Variants in RANBP2 observed in about 807,000 individuals in gnomAD.
RANBP2 encodes E3 SUMO-protein ligase RanBP2.
RANBP2 carries 57 observed loss-of-function variants against 303.6 expected under a neutral mutation model. The observed-to-expected ratio is 0.19, with a 90% CI of 0.15 to 0.23. The LOEUF is 0.23. Ranked by LOEUF, RANBP2 falls within the 10% of genes least tolerant of loss-of-function variation. The probability of loss-of-function intolerance (pLI) is 1.00; values close to 1 mark genes in which losing one functional copy is unlikely to be tolerated. For synonymous variants in RANBP2, 1,167 were observed against 1,301.5 expected (o/e 0.90, Z 2.23); for missense variants, 3,138 against 3,780.8 (o/e 0.83, Z 4.46).
At chr2:109,608,357 T>G in the RANBP2 span, among the ~76,000 whole-genome samples, 1 of 152,200 alleles carries the variant, frequency 6.6e-6, no homozygotes, top group East Asian at 1.9e-4. Context: ...TCTTTCTATG[T>G]AACACGCACT....
chr2:108,722,773 C>G (rs1694370884), intron 1 of RANBP2, among the ~76,000 whole-genome samples: 1 of 151,368 alleles, frequency 6.6e-6, no homozygotes, highest in African/African-American at 2.4e-5. Flanking sequence ...CGCCTGTAGT[C>G]CCACCTACTC....
At chr2:109,485,761 A>G in the RANBP2 span, among the ~76,000 whole-genome samples, 1 of 152,236 alleles carries the variant, frequency 6.6e-6, no homozygotes, top group African/African-American at 2.4e-5. Context: ...CTTTTTCTGG[A>G]TATAACTCAT....
the RANBP2 span, chr2:109,552,595 G>A: frequency 6.4e-6 from 1 of 156,904 alleles, no homozygotes. Context: ...ACACTGTGTT[G>A]CCACTGTGGC....
the RANBP2 span, among the ~76,000 whole-genome samples, chr2:109,260,836 C>G: frequency 6.6e-6 from 1 of 152,144 alleles, no homozygotes; most frequent in African/African-American, 2.4e-5. Context: ...CTTCTTCCTC[C>G]CCTACAGAGA....
chr2:109,615,720 G>A, the RANBP2 span: 1 of 1,613,702 alleles, frequency 6.2e-7, no homozygotes, highest in Admixed American at 1.7e-5. Context: ...TAGCGGCGGC[G>A]GGCGCTGGAG....
At chr2:109,152,430 A>G in the RANBP2 span, among the ~76,000 whole-genome samples, 1 of 152,236 alleles carries the variant, frequency 6.6e-6, no homozygotes, top group Non-Finnish European at 1.5e-5. Context: ...TCCGATCTCA[A>G]GTTGAGAACG....
At chr2:109,148,408 G>A in the RANBP2 span, among the ~76,000 whole-genome samples, 4 of 152,306 alleles carry the variant, frequency 2.6e-5, no homozygotes, top group African/African-American at 9.6e-5. Flanking sequence ...GCTTCTTAAA[G>A]GCGTTCTTTT....
chr2:109,062,738 A>C, the RANBP2 span, among the ~76,000 whole-genome samples: 8 of 151,726 alleles, frequency 5.3e-5, no homozygotes, highest in Admixed American at 2.6e-4. Context: ...ACAGTGCAAG[A>C]CTGCTCTGGA....
chr2:109,259,811 G>A, the RANBP2 span, among the ~76,000 whole-genome samples: 5 of 152,276 alleles, frequency 3.3e-5, no homozygotes, highest in South Asian at 4.1e-4. Context: ...TCTCTGGGAG[G>A]TCTCTGTTTG....
chr2:108,876,240 G>A, the RANBP2 span: 1 of 1,609,678 alleles, frequency 6.2e-7, no homozygotes, highest in Admixed American at 1.7e-5. Context: ...CTGGTCTCCA[G>A]TGCAAGCCCT....
the RANBP2 span, among the ~76,000 whole-genome samples, chr2:108,906,707 C>T: frequency 2.6e-5 from 4 of 152,258 alleles, no homozygotes; most frequent in Non-Finnish European, 5.9e-5. Context: ...GCAGCAGAGC[C>T]GTGCGGGGCT....
the RANBP2 span, among the ~76,000 whole-genome samples, chr2:109,731,538 G>C: frequency 6.6e-6 from 1 of 152,090 alleles, no homozygotes; most frequent in African/African-American, 2.4e-5. Context: ...GGGACTACAG[G>C]TGTGCACCAC....
chr2:108,780,023 A>G lies in RANBP2; in HGVS notation c.8600-1246A>G, dbSNP rs564560261. 3.4e-3 allele frequency among the ~76,000 whole-genome samples: 521 copies of G among 152,284 alleles called. 1 individual carries two copies. The highest frequency in any genetic ancestry group is 6.1e-3 in the Non-Finnish European group (417 of 68,020). ...GGTGGGTACTTGAAATTTTAGAAGT[A>G]GGTAAAAAGAACCTACTTCTTTACT... On this transcript the variant is annotated intron_variant, in intron 25 of 28. Coordinates refer to ENST00000283195, the MANE Select transcript of RANBP2 (RefSeq NM_006267.5).
At chr2:109,048,654 C>CA in the RANBP2 span, among the ~76,000 whole-genome samples, 1 of 151,922 alleles carries the variant, frequency 6.6e-6, no homozygotes, top group African/African-American at 2.4e-5. Context: ...TAAAATCAAT[C>CA]TTTTTTTGGA....
At chr2:109,445,537 G>T in the RANBP2 span, among the ~76,000 whole-genome samples, 3 of 152,206 alleles carry the variant, frequency 2.0e-5, no homozygotes, top group Non-Finnish European at 2.9e-5. Flanking sequence ...AATGGGAAAA[G>T]GAGGTACTAG....
In RANBP2 at chr2:108,766,285, C is replaced by T; in HGVS notation, c.5746C>T (p.Leu1916Phe). ...GNQEKKSEKP[L>F]ENGTGFQAQD... is the part of the protein sequence containing the mutation. ...TCAAGAAAAGAAAAGTGAAAAGCCT[C>T]TTGAAAATGGTACTGGCTTCCAGGC... Residue 1916 changes from leucine (L) to phenylalanine (F), a missense_variant, in exon 20 of 29, where the codon CTT (leucine) becomes TTT (phenylalanine). Coordinates refer to ENST00000283195, the MANE Select transcript of RANBP2 (RefSeq NM_006267.5). 1 of 1,612,132 alleles carries T rather than the reference C, an allele frequency of 6.2e-7. No individual in the cohort carries two copies. The highest frequency in any genetic ancestry group is 8.5e-7 in the Non-Finnish European group (1 of 1,179,984).
the RANBP2 span, among the ~76,000 whole-genome samples, chr2:109,224,863 A>C: frequency 6.6e-6 from 1 of 151,984 alleles, no homozygotes; most frequent in African/African-American, 2.4e-5. Flanking sequence ...TCTCAAAAAA[A>C]TTTTTTTTCA....
chr2:109,497,411 C>G, the RANBP2 span, among the ~76,000 whole-genome samples: 1 of 152,196 alleles, frequency 6.6e-6, no homozygotes, highest in Admixed American at 6.5e-5. Flanking sequence ...ATCCAAACCT[C>G]GCACACAGAG....
At chr2:108,829,177 A>G in the RANBP2 span, among the ~76,000 whole-genome samples, 1 of 152,210 alleles carries the variant, frequency 6.6e-6, no homozygotes, top group Non-Finnish European at 1.5e-5. Context: ...TTGTGCATCA[A>G]CAGATTGAAA....
Sources: gnomAD v4.1 joint callset for allele counts (sites outside exome capture counted in the v4.1 genomes callset) on GRCh38, gnomAD v4.1.1 for gene constraint, MANE v1.5 for transcripts, NCBI Gene and HGNC (gene_info 2026-07-23, HGNC 2026-07-21) for gene names.